RERE: variants seen among roughly 807,000 people sequenced by gnomAD.
RERE encodes arginine-glutamic acid dipeptide repeats, also known as arginine-glutamic acid dipeptide repeats protein.
Under a neutral mutation model 146.1 loss-of-function variants are expected in RERE, and 40 were observed. The observed-to-expected ratio is 0.27, with a 90% CI of 0.21 to 0.36. The LOEUF (loss-of-function observed/expected upper bound fraction) is 0.36, where lower values mean the gene tolerates loss of function less well. RERE is among the 10% of genes least tolerant of loss of function. The pLI, the probability that RERE is intolerant of heterozygous loss-of-function variation, is 1.00. For missense variants in RERE, 1,933 were observed against 2,138.7 expected, an observed-to-expected ratio of 0.90 and a Z score of 1.90; for synonymous variants, 1,003 against 866.0, an observed-to-expected ratio of 1.16 and a Z score of -2.78.
In RERE at chr1:8,636,592, A is replaced by T. The variant is rs1226670869; in HGVS notation, c.326-12212T>A. 6.6e-5 allele frequency among the ~76,000 whole-genome samples: 10 copies of T among 152,096 alleles called. No homozygotes were observed. The South Asian group carries it at 2.1e-3, about 32-fold the overall frequency. On this transcript the variant is annotated intron_variant, in intron 2 of 22. Coordinates refer to ENST00000400908, the MANE Select transcript of RERE (RefSeq NM_001042681.2). Reference sequence around the variant, plus strand: ...AATATTAAATAAAATATAAAAAAATAAAAAACATCTGGTACACAGTTGGAC... The same window carrying T: ...AATATTAAATAAAATATAAAAAAATTAAAAACATCTGGTACACAGTTGGAC...
chr1:8,379,710 G>A (rs1415871063), intron 12 of RERE, among the ~76,000 whole-genome samples: 2 of 152,168 alleles, frequency 1.3e-5, no homozygotes, highest in Non-Finnish European at 2.9e-5. Context: ...CAGGGGGCAC[G>A]CGGGGGTCAC....
intron 1 of RERE, among the ~76,000 whole-genome samples, chr1:8,658,704 C>G (rs888885950): frequency 4.6e-5 from 7 of 151,382 alleles, no homozygotes; most frequent in African/African-American, 7.3e-5. Flanking sequence ...TTGCAGTGAG[C>G]TGAGATCGTG....
Position 8,423,326 on chromosome 1 carries a change from C to T in RERE, c.1204-519G>A, listed in dbSNP as rs1291437091. The T allele has an allele frequency of 6.3e-6, 1 of 157,666 alleles. No homozygotes were observed. The highest frequency in any genetic ancestry group is 1.9e-4 in the East Asian group (1 of 5,216). 9.8% of individuals were successfully genotyped at this position (157,666 alleles called of 1,614,324 possible). A position where few individuals can be genotyped will look rare whatever the true frequency, so the allele number is the denominator to read the frequency against. On this transcript the variant is annotated intron_variant, in intron 11 of 22. Coordinates refer to ENST00000400908, the MANE Select transcript of RERE (RefSeq NM_001042681.2). This position sits in a 1 kb window ranked among gnomAD's most constrained non-coding sequence, Gnocchi z 5.4. ...CGGAAGGCACCAGTATCACAGAAGC[C>T]CACCGGGAACACGAAAGCCAGCGGG... is the stretch of plus-strand genomic sequence containing the variant.
chr1:8,485,420 A>G (rs879744727), intron 10 of RERE, among the ~76,000 whole-genome samples: 2 of 152,162 alleles, frequency 1.3e-5, no homozygotes, highest in Non-Finnish European at 2.9e-5. Flanking sequence ...CATTAAATTA[A>G]AACAGACTCA....
chr1:8,401,035 A>ACATATATATATATATATATAT (rs1557611589), intron 12 of RERE, among the ~76,000 whole-genome samples: 3 of 32,766 alleles, frequency 9.2e-5, no homozygotes, highest in Admixed American at 5.5e-4. Flanking sequence ...AAAAAAAAAA[A>ACATATATATATATATATATAT]ACCATATATA....
At chr1:8,610,857 G>T (rs1360746323) in intron 4 of RERE, among the ~76,000 whole-genome samples, 3 of 151,078 alleles carry the variant, frequency 2.0e-5, no homozygotes, top group African/African-American at 7.3e-5. Flanking sequence ...AAGAAAAAAA[G>T]TTCCCTAATG....
intron 12 of RERE, among the ~76,000 whole-genome samples, chr1:8,416,383 A>G (rs901373350): frequency 6.6e-6 from 1 of 152,160 alleles, no homozygotes; most frequent in Admixed American, 6.5e-5. Context: ...CAGGAGATCG[A>G]GACCATCCTG....
intron 1 of RERE, among the ~76,000 whole-genome samples, chr1:8,775,997 T>C (rs1641056642): frequency 1.3e-5 from 2 of 152,200 alleles, no homozygotes; most frequent in South Asian, 4.1e-4. Flanking sequence ...CCACACTGCC[T>C]CTCAAACCCA....
At chr1:8,594,929 C>T (rs147141392) in intron 4 of RERE, among the ~76,000 whole-genome samples, 1 of 152,054 alleles carries the variant, frequency 6.6e-6, no homozygotes, top group South Asian at 2.1e-4. Flanking sequence ...GAGGCCAAGG[C>T]AGGAGGATCA....
intron 1 of RERE, among the ~76,000 whole-genome samples, chr1:8,761,761 A>C (rs1229075167): frequency 6.6e-6 from 1 of 152,118 alleles, no homozygotes; most frequent in African/African-American, 2.4e-5. Context: ...TCTCTACTAA[A>C]AATACAAAAA....
At chr1:8,405,827 G>A (rs1016544140) in intron 12 of RERE, among the ~76,000 whole-genome samples, 1 of 151,986 alleles carries the variant, frequency 6.6e-6, no homozygotes, top group African/African-American at 2.4e-5. Context: ...TTAGTAGAGA[G>A]AGTTTCACCA....
chr1:8,692,679 C>T (rs538835059), intron 1 of RERE, among the ~76,000 whole-genome samples: 4 of 151,974 alleles, frequency 2.6e-5, no homozygotes, highest in Admixed American at 2.6e-4. Flanking sequence ...CTCTAGATTA[C>T]GTATAATACC....
chr1:8,795,257 T>C (rs1035472323), intron 1 of RERE, among the ~76,000 whole-genome samples: 7 of 151,796 alleles, frequency 4.6e-5, no homozygotes, highest in East Asian at 1.9e-4. Flanking sequence ...AACTCCTGAC[T>C]TTGTGACCTG....
chr1:8,697,396 CT>C (rs746535721), intron 1 of RERE, among the ~76,000 whole-genome samples: 2,482 of 117,448 alleles, frequency 0.021, 88 homozygotes, highest in African/African-American at 0.071. Flanking sequence ...CCCCACACAA[CT>C]TTTTTTTTTT....
chr1:8,774,159 C>A (rs1420766134), intron 1 of RERE, among the ~76,000 whole-genome samples: 1 of 152,114 alleles, frequency 6.6e-6, no homozygotes, highest in East Asian at 1.9e-4. Flanking sequence ...GCATCCCATT[C>A]TCTAGCCATA....
chr1:8,547,995 A>G (rs1645886366), intron 6 of RERE, among the ~76,000 whole-genome samples: 2 of 152,260 alleles, frequency 1.3e-5, no homozygotes, highest in Non-Finnish European at 2.9e-5. Context: ...CAACTACAGT[A>G]TATCAACATA....
At chr1:8,601,971 A>G (rs1233446448) in intron 4 of RERE, among the ~76,000 whole-genome samples, 15 of 152,250 alleles carry the variant, frequency 9.9e-5, no homozygotes, top group Admixed American at 9.8e-4. Flanking sequence ...CAAGGGCAGC[A>G]GCCTCACAAC....
intron 12 of RERE, chr1:8,381,031 G>C (rs748099648): frequency 2.2e-6 from 1 of 456,612 alleles, no homozygotes; most frequent in Non-Finnish European, 4.4e-6. Flanking sequence ...CAGACACCTG[G>C]AACGCCTTCT....
intron 11 of RERE, among the ~76,000 whole-genome samples, chr1:8,455,231 C>CT (rs1424880501): frequency 6.6e-6 from 1 of 151,986 alleles, no homozygotes; most frequent in Non-Finnish European, 1.5e-5. Flanking sequence ...AGCATGATTC[C>CT]TTTTTTTATT....
Sources: gnomAD v4.1 joint callset for allele counts (sites outside exome capture counted in the v4.1 genomes callset) on GRCh38, gnomAD v4.1.1 for gene constraint, Gnocchi (gnomAD v3.1) non-coding constraint, MANE v1.5 for transcripts, NCBI Gene and HGNC (gene_info 2026-07-23, HGNC 2026-07-21) for gene names.